CGGBP1: variants seen among roughly 807,000 people sequenced by gnomAD.
The protein encoded by CGGBP1 is CGG triplet repeat binding protein 1.
CGGBP1 carries 4 observed loss-of-function variants against 11.4 expected under a neutral mutation model. The observed-to-expected ratio is 0.35, with a 90% CI of 0.17 to 0.80. CGGBP1 has a LOEUF of 0.80. Ranked by LOEUF, CGGBP1 falls within the 30% of genes least tolerant of loss-of-function variation. The pLI is 0.52. For synonymous variants in CGGBP1, 76 were observed against 74.1 expected (o/e 1.03, Z -0.13); for missense variants, 135 against 202.1 (o/e 0.67, Z 2.01).
chr3:88,081,113 T>C (rs1708054083), intron 2 of CGGBP1, among the ~76,000 whole-genome samples: 1 of 152,136 alleles, frequency 6.6e-6, no homozygotes. Flanking sequence ...TATCCCTCAG[T>C]TTGGGTTTGT....
chr3:88,094,530 A>C (rs1444614726), intron 2 of CGGBP1, among the ~76,000 whole-genome samples: 2 of 152,234 alleles, frequency 1.3e-5, no homozygotes, highest in Middle Eastern at 3.4e-3. Flanking sequence ...GTAGTTTTGG[A>C]AAATGGTATT....
upstream of CGGBP1, among the ~76,000 whole-genome samples, chr3:88,059,840 A>C (rs1378613493): frequency 1.3e-5 from 2 of 151,900 alleles, no homozygotes; most frequent in Non-Finnish European, 2.9e-5. Context: ...CGCCTTTCTT[A>C]TGTTTCCTAC....
intron 2 of CGGBP1, among the ~76,000 whole-genome samples, chr3:88,111,539 G>A (rs555889590): frequency 1.2e-4 from 18 of 151,682 alleles, no homozygotes; most frequent in East Asian, 1.2e-3. Context: ...CTAATGTTCC[G>A]TTAATATTTG....
intron 2 of CGGBP1, among the ~76,000 whole-genome samples, chr3:88,100,411 G>A (rs1417935609): frequency 6.6e-6 from 1 of 152,200 alleles, no homozygotes; most frequent in African/African-American, 2.4e-5. Flanking sequence ...GGAAGTCAGT[G>A]TGGCAATTCC....
At chr3:88,130,258 C>T (rs980093880) in intron 2 of CGGBP1, among the ~76,000 whole-genome samples, 1 of 152,166 alleles carries the variant, frequency 6.6e-6, no homozygotes, top group Non-Finnish European at 1.5e-5. Flanking sequence ...CACCCATATA[C>T]ACACATACAC....
rs182119282 is a variant in CGGBP1, at chr3:88,102,759, A to G, written c.-229+38211T>C. ...ATATGCTCCACAATAAAGCCCTAGC[A>G]GAAGAAAAGACATGCCTCTTTCTAG... On this transcript the variant is annotated intron_variant, in intron 2 of 3. Coordinates refer to the CGGBP1 transcript ENST00000462901. Among the ~76,000 whole-genome samples the G allele has an allele frequency of 3.9e-3, 592 of 152,110 alleles. 2 individuals carry two copies. Among genetic ancestry groups the G allele is most frequent in the Non-Finnish European group, 6.3e-3 (431 of 67,986 alleles).
At chr3:88,057,755 T>G (rs1376486196) in intron 2 of CGGBP1, 2 of 152,268 alleles carry the variant, frequency 1.3e-5, no homozygotes, top group Non-Finnish European at 2.9e-5. Context: ...CTCAATCATT[T>G]GTGCTAATGT....
chr3:88,143,252 G>C (rs1346756639), intron 1 of CGGBP1: 2 of 151,876 alleles, frequency 1.3e-5, no homozygotes, highest in African/African-American at 4.8e-5. Flanking sequence ...CGGTTTTATT[G>C]GTTTATCATC....
At chr3:88,137,212 A>AT (rs1303608087) in intron 2 of CGGBP1, among the ~76,000 whole-genome samples, 2 of 151,272 alleles carry the variant, frequency 1.3e-5, no homozygotes, top group East Asian at 3.9e-4. Flanking sequence ...AAAAAAAAAA[A>AT]AAAAAAGGAT....
intron 2 of CGGBP1, among the ~76,000 whole-genome samples, chr3:88,097,043 T>C (rs895799625): frequency 6.6e-6 from 1 of 152,180 alleles, no homozygotes; most frequent in African/African-American, 2.4e-5. Flanking sequence ...CTCTTATGTG[T>C]ATATCAAAAT....
chr3:88,073,839 T>G (rs4241549), intron 2 of CGGBP1, among the ~76,000 whole-genome samples: 142,941 of 152,154 alleles, frequency 0.94, 67,683 homozygotes, highest in Non-Finnish European at 1. Flanking sequence ...CCCTATTTAA[T>G]AAGAGAGCAG....
At position 88,098,424 on chromosome 3, in the gene CGGBP1, C is replaced by T. The variant is rs558744795; in HGVS notation, c.-228-40201G>A. ...GGTACAAAGAGGAGCTGGTATCATT[C>T]GTTCTCAAACTATTCCAATCAATAG... On this transcript the variant is annotated intron_variant, in intron 2 of 3. Transcript: ENST00000462901. Among the ~76,000 whole-genome samples, 11 of 152,316 alleles carry T rather than the reference C, an allele frequency of 7.2e-5. No individual in the cohort carries two copies. The South Asian group carries it at 1.0e-3, about 14-fold the overall frequency.
intron 2 of CGGBP1, among the ~76,000 whole-genome samples, chr3:88,098,093 TAAAG>T (rs1299038725): frequency 1.3e-5 from 2 of 151,240 alleles, no homozygotes; most frequent in East Asian, 1.9e-4. Context: ...GCAAGACTAA[TAAAG>T]AAGAAAAGAG....
At chr3:88,145,913 G>A (rs1707304968) in intron 1 of CGGBP1, among the ~76,000 whole-genome samples, 1 of 152,142 alleles carries the variant, frequency 6.6e-6, no homozygotes, top group African/African-American at 2.4e-5. Flanking sequence ...TAAATGCAGA[G>A]GGTGACTGAA....
chr3:88,124,016 A>G (rs1319202261), intron 2 of CGGBP1, among the ~76,000 whole-genome samples: 1 of 152,198 alleles, frequency 6.6e-6, no homozygotes, highest in Non-Finnish European at 1.5e-5. Context: ...CAATACCTTT[A>G]TATTTACCCC....
At chr3:88,094,958 AAC>A (rs1703974271) in intron 2 of CGGBP1, among the ~76,000 whole-genome samples, 1 of 152,160 alleles carries the variant, frequency 6.6e-6, no homozygotes. Context: ...TTACAAAGAA[AAC>A]TTATGAGAAA....
intron 1 of CGGBP1, chr3:88,141,742 T>C: frequency 9.6e-7 from 1 of 1,045,956 alleles, no homozygotes; most frequent in Non-Finnish European, 1.3e-6. Context: ...ATTTCCCTGA[T>C]GGCCTTAATT....
chr3:88,095,046 T>C (rs1314424158), intron 2 of CGGBP1, among the ~76,000 whole-genome samples: 1 of 152,142 alleles, frequency 6.6e-6, no homozygotes, highest in East Asian at 1.9e-4. Flanking sequence ...AATTATAGAA[T>C]TCAAAATATT....
intron 2 of CGGBP1, among the ~76,000 whole-genome samples, chr3:88,117,008 A>T (rs1162498343): frequency 6.6e-6 from 1 of 152,160 alleles, no homozygotes; most frequent in Non-Finnish European, 1.5e-5. Context: ...TTCTTAAAGG[A>T]TCTGTTACGT....
Sources: allele counts gnomAD v4.1 joint callset (sites outside exome capture counted in the v4.1 genomes callset), GRCh38; gene constraint gnomAD v4.1.1; transcripts MANE v1.5; gene names NCBI Gene and HGNC (gene_info 2026-07-23, HGNC 2026-07-21).